The following KCNU1 variants were observed in gnomAD, a reference collection of about 807,000 sequenced individuals.
KCNU1 encodes the protein potassium channel subfamily U member 1.
In KCNU1, 93 loss-of-function variants were observed where a neutral mutation model predicts 126.8. That is an observed-to-expected ratio of 0.73 (90% CI 0.62 to 0.87). The LOEUF (loss-of-function observed/expected upper bound fraction) is 0.87. Among genes scored for constraint, KCNU1 ranks in the 40% least tolerant of loss-of-function variants. The pLI, the probability that KCNU1 is intolerant of heterozygous loss-of-function variation, is 0.00. For missense variants in KCNU1, 1,330 were observed against 1,367.1 expected (o/e 0.97, Z 0.43); for synonymous variants, 523 against 494.2 (o/e 1.06, Z -0.77).
intron 25 of KCNU1, among the ~76,000 whole-genome samples, chr8:36,932,215 C>A (rs16885583): frequency 6.6e-6 from 1 of 151,946 alleles, no homozygotes; most frequent in Non-Finnish European, 1.5e-5. Context: ...TCCGTAGTCC[C>A]GGATTGCTCA....
intron 7 of KCNU1, among the ~76,000 whole-genome samples, chr8:36,809,454 C>CT (rs774600224): frequency 6.6e-6 from 1 of 152,228 alleles, no homozygotes; most frequent in East Asian, 1.9e-4. Flanking sequence ...CATAACAGGT[C>CT]TTTTTTATCT....
intron 19 of KCNU1, among the ~76,000 whole-genome samples, chr8:36,902,361 A>G (rs1265618316): frequency 6.6e-6 from 1 of 152,122 alleles, no homozygotes; most frequent in Non-Finnish European, 1.5e-5. Flanking sequence ...ATCATCTTAA[A>G]TTTGCCAATA....
chr8:36,856,551 A>G (rs1805534505), intron 18 of KCNU1, among the ~76,000 whole-genome samples: 1 of 151,824 alleles, frequency 6.6e-6, no homozygotes, highest in Non-Finnish European at 1.5e-5. Flanking sequence ...CTTGGACTAC[A>G]GTGGTTAACA....
intron 23 of KCNU1, among the ~76,000 whole-genome samples, chr8:36,919,667 C>T (rs889637725): frequency 1.3e-5 from 2 of 152,108 alleles, no homozygotes; most frequent in African/African-American, 2.4e-5. Context: ...AAATCCCAGG[C>T]AAGAGGAGAA....
intron 18 of KCNU1, among the ~76,000 whole-genome samples, chr8:36,857,909 G>A (rs1005568861): frequency 2.0e-5 from 3 of 152,012 alleles, no homozygotes; most frequent in African/African-American, 7.2e-5. Flanking sequence ...GCCTCCCAAA[G>A]TGCTGGGATT....
intron 22 of KCNU1, among the ~76,000 whole-genome samples, chr8:36,915,100 C>T (rs185824643): frequency 1.5e-3 from 234 of 152,232 alleles, no homozygotes; most frequent in Middle Eastern, 3.4e-3. Flanking sequence ...TGTCTGTACC[C>T]GATTAGAACA....
At chr8:36,835,804 T>G (rs1296507495) in intron 12 of KCNU1, among the ~76,000 whole-genome samples, 3 of 152,216 alleles carry the variant, frequency 2.0e-5, no homozygotes, top group Non-Finnish European at 2.9e-5. Flanking sequence ...TAAACACAGA[T>G]AGCTGAAGGT....
At chr8:36,852,600 A>G (rs2117294699) in intron 18 of KCNU1, among the ~76,000 whole-genome samples, 1 of 152,220 alleles carries the variant, frequency 6.6e-6, no homozygotes, top group Admixed American at 6.5e-5. Flanking sequence ...TCTTTCTACC[A>G]ATTTGTTCAT....
chr8:36,876,269 C>G (rs1480790927), intron 19 of KCNU1, among the ~76,000 whole-genome samples: 1 of 152,156 alleles, frequency 6.6e-6, no homozygotes, highest in Non-Finnish European at 1.5e-5. Context: ...TACATAGATT[C>G]TATCTGTGTT....
chr8:36,932,985 C>G lies in KCNU1; in HGVS notation c.2997C>G (p.Gly999=), dbSNP rs1233732085. Reference sequence around the variant, plus strand: ...ATCTTTTTGGAATCCTGTGTGTTGGCTTATACCGAATAATTGATGAAGAGG... The same window carrying G: ...ATCTTTTTGGAATCCTGTGTGTTGGGTTATACCGAATAATTGATGAAGAGG... ...SLDLFGILCV[G]LYRIIDEEEL... The change falls in exon 26 of 27, where the codon GGC becomes GGG. Residue 999 remains glycine, a synonymous_variant. Coordinates refer to ENST00000399881, the MANE Select transcript of KCNU1 (RefSeq NM_001031836.3). 3 of 1,573,454 alleles carry G rather than the reference C, an allele frequency of 1.9e-6. No individual in the cohort carries two copies. The highest frequency in any genetic ancestry group is 2.6e-6 in the Non-Finnish European group (3 of 1,157,670).
chr8:36,803,876 A>T, intron 2 of KCNU1, 151 bp from the exon 3 acceptor site: 1 of 656,168 alleles, frequency 1.5e-6, no homozygotes, highest in Non-Finnish European at 2.7e-6. Context: ...CGATAAACAG[A>T]TGAATGAATG....
chr8:36,929,263 A>G (rs1203598978), intron 24 of KCNU1, among the ~76,000 whole-genome samples: 1 of 151,956 alleles, frequency 6.6e-6, no homozygotes, highest in African/African-American at 2.4e-5. Context: ...GCACAACTGT[A>G]ATACCAGCTA....
chr8:36,932,409 A>T (rs1232739069), intron 25 of KCNU1, among the ~76,000 whole-genome samples: 2 of 151,850 alleles, frequency 1.3e-5, no homozygotes, highest in African/African-American at 4.8e-5. Flanking sequence ...ATCCCTTTTG[A>T]TCTTGCTGAG....
intron 16 of KCNU1, 95 bp from the exon 17 acceptor site, chr8:36,845,485 C>A: frequency 1.4e-6 from 1 of 692,262 alleles, no homozygotes; most frequent in Non-Finnish European, 2.5e-6. Context: ...AAATTAGCAA[C>A]TCAGAGAATC....
At chr8:36,823,227 G>A (rs948899571) in intron 10 of KCNU1, among the ~76,000 whole-genome samples, 1 of 152,128 alleles carries the variant, frequency 6.6e-6, no homozygotes, top group Non-Finnish European at 1.5e-5. Context: ...ATGACCATAA[G>A]TTACACATCA....
intron 18 of KCNU1, among the ~76,000 whole-genome samples, chr8:36,856,002 G>A (rs1300666668): frequency 1.3e-5 from 2 of 152,022 alleles, no homozygotes; most frequent in Admixed American, 6.6e-5. Context: ...TTGAGGTTCT[G>A]GGTAGACACA....
At chr8:36,827,292 T>C (rs1008810680) in intron 10 of KCNU1, among the ~76,000 whole-genome samples, 3 of 152,220 alleles carry the variant, frequency 2.0e-5, no homozygotes, top group African/African-American at 7.2e-5. Flanking sequence ...TTTATTCAAT[T>C]TTACCCTTCT....
chr8:36,803,929 C>A, intron 2 of KCNU1, 98 bp from the exon 3 acceptor site: 3 of 772,670 alleles, frequency 3.9e-6, no homozygotes, highest in Admixed American at 2.0e-5. Context: ...AATGGCTACA[C>A]GTACACAGGC....
rs746700189 is a variant in KCNU1 at position 36,889,212 on chromosome 8, C to A, written c.2010-16496C>A. ...GTTCTTTATTGGTGAAAACCTAAAT[C>A]CACCTGGCATGGTTGCTCTGCTGAA... On this transcript the variant is annotated intron_variant, in intron 19 of 26. Transcript: ENST00000399881. 1.9e-5 allele frequency: 10 copies of A among 534,346 alleles called. No individual in the cohort carries two copies. In the African/African-American group the frequency reaches 1.9e-4, roughly 10 times the overall value. The allele number at this position is 534,346 out of a possible 1,614,324, so 33.1% of individuals were successfully genotyped here. A position where few individuals can be genotyped will look rare whatever the true frequency, so the allele number is the denominator to read the frequency against.
Sources: gnomAD v4.1 joint callset for allele counts (sites outside exome capture counted in the v4.1 genomes callset) on GRCh38, gnomAD v4.1.1 for gene constraint, MANE v1.5 for transcripts, NCBI Gene and HGNC (gene_info 2026-07-23, HGNC 2026-07-21) for gene names.